Variants in MIS18A observed in about 807,000 individuals in gnomAD.
MIS18A encodes protein Mis18-alpha.
A neutral mutation model predicts 25.0 loss-of-function variants in MIS18A; 14 were observed. The observed-to-expected ratio is 0.56, with a 90% CI of 0.37 to 0.88. MIS18A has a LOEUF of 0.88. MIS18A is among the 40% of genes least tolerant of loss of function. MIS18A has a pLI of 0.00. For synonymous variants in MIS18A, 134 were observed against 118.6 expected (o/e 1.13, Z -0.84); for missense variants, 292 against 290.8 (o/e 1.00, Z -0.03).
the MIS18A span, among the ~76,000 whole-genome samples, chr21:32,230,834 G>C: frequency 6.6e-6 from 1 of 152,160 alleles, no homozygotes; most frequent in African/African-American, 2.4e-5. Context: ...TGGTTTCTTA[G>C]ATATTACATC....
At chr21:32,201,800 C>T in the MIS18A span, among the ~76,000 whole-genome samples, 13 of 151,432 alleles carry the variant, frequency 8.6e-5, no homozygotes, top group East Asian at 1.4e-3. Flanking sequence ...GGTGACAGAG[C>T]GAGACCCTGT....
the MIS18A span, among the ~76,000 whole-genome samples, chr21:32,240,169 A>G: frequency 1.3e-5 from 2 of 152,240 alleles, no homozygotes; most frequent in Admixed American, 6.5e-5. Context: ...CAGAACCAAC[A>G]TCAACCAATT....
the MIS18A span, among the ~76,000 whole-genome samples, chr21:32,183,278 T>G: frequency 1.3e-5 from 2 of 152,294 alleles, no homozygotes; most frequent in South Asian, 4.1e-4. Flanking sequence ...GAGGCAAGCA[T>G]CCATTGAATA....
the MIS18A span, among the ~76,000 whole-genome samples, chr21:32,229,545 G>T: frequency 6.6e-6 from 1 of 152,206 alleles, no homozygotes; most frequent in Non-Finnish European, 1.5e-5. Context: ...GTGTTTCATG[G>T]CATCTCTTTG....
chr21:32,254,359 G>A, the MIS18A span, among the ~76,000 whole-genome samples: 1 of 151,816 alleles, frequency 6.6e-6, no homozygotes, highest in African/African-American at 2.4e-5. Context: ...GGCCAACCCT[G>A]TCTCTAAAAA....
the MIS18A span, among the ~76,000 whole-genome samples, chr21:32,224,079 C>G: frequency 9.2e-5 from 14 of 152,122 alleles, no homozygotes; most frequent in South Asian, 1.2e-3. Context: ...ATTCAACTTC[C>G]CTTCATGCTA....
the MIS18A span, among the ~76,000 whole-genome samples, chr21:32,178,358 G>A: frequency 1.3e-5 from 2 of 152,096 alleles, no homozygotes; most frequent in African/African-American, 4.8e-5. Context: ...TTTTTATATA[G>A]TCATTGTTTT....
chr21:32,213,014 G>C, the MIS18A span, among the ~76,000 whole-genome samples: 1 of 152,132 alleles, frequency 6.6e-6, no homozygotes, highest in African/African-American at 2.4e-5. Flanking sequence ...TTGTAGAAAA[G>C]ACCAGATCAG....
At chr21:32,220,324 C>A in the MIS18A span, among the ~76,000 whole-genome samples, 4 of 152,190 alleles carry the variant, frequency 2.6e-5, no homozygotes, top group Non-Finnish European at 4.4e-5. Flanking sequence ...ACTGGTGATA[C>A]CCTGGCAAAC....
chr21:32,265,538 A>G (rs1044347247), downstream of MIS18A, among the ~76,000 whole-genome samples: 5 of 152,176 alleles, frequency 3.3e-5, no homozygotes, highest in East Asian at 1.9e-4. Flanking sequence ...GCTGTGCTGG[A>G]TTTCTCGCCA....
the MIS18A span, among the ~76,000 whole-genome samples, chr21:32,171,489 T>G: frequency 2.0e-5 from 3 of 152,052 alleles, no homozygotes; most frequent in Non-Finnish European, 4.4e-5. Flanking sequence ...CTGAGAAATG[T>G]CTTTAAGACA....
At chr21:32,259,598 A>G in the MIS18A span, among the ~76,000 whole-genome samples, 1 of 152,146 alleles carries the variant, frequency 6.6e-6, no homozygotes, top group Non-Finnish European at 1.5e-5. Context: ...TTTCTTGATC[A>G]CTGAAAGCAG....
chr21:32,181,728 A>C, the MIS18A span, among the ~76,000 whole-genome samples: 4 of 152,156 alleles, frequency 2.6e-5, no homozygotes, highest in Non-Finnish European at 4.4e-5. Flanking sequence ...AGAAGGGACA[A>C]AGAAACAGGA....
At chr21:32,159,683 C>T in the MIS18A span, among the ~76,000 whole-genome samples, 14 of 152,258 alleles carry the variant, frequency 9.2e-5, no homozygotes, top group African/African-American at 3.4e-4. Context: ...AGGTGTGAGA[C>T]ATCAATCAAA....
chr21:32,214,171 C>G, the MIS18A span, among the ~76,000 whole-genome samples: 2 of 152,132 alleles, frequency 1.3e-5, no homozygotes, highest in African/African-American at 4.8e-5. Context: ...GACCCCACAC[C>G]CCACCTCTCT....
the MIS18A span, among the ~76,000 whole-genome samples, chr21:32,254,358 T>C: frequency 6.6e-6 from 1 of 151,824 alleles, no homozygotes; most frequent in Admixed American, 6.6e-5. Flanking sequence ...TGGCCAACCC[T>C]GTCTCTAAAA....
chr21:32,275,469 A>C (rs1480729236), intron 1 of MIS18A, among the ~76,000 whole-genome samples: 1 of 152,144 alleles, frequency 6.6e-6, no homozygotes, highest in Non-Finnish European at 1.5e-5. Flanking sequence ...CCATTTCTCT[A>C]AAAGTAACTG....
At chr21:32,172,370 G>C in the MIS18A span, among the ~76,000 whole-genome samples, 131 of 152,176 alleles carry the variant, frequency 8.6e-4, 2 homozygotes, top group East Asian at 0.024. Flanking sequence ...ATTCACAATA[G>C]CCAAGATATG....
chr21:32,213,937 GAACA>G, the MIS18A span, among the ~76,000 whole-genome samples: 20 of 152,288 alleles, frequency 1.3e-4, 1 homozygote, highest in East Asian at 3.9e-3. Flanking sequence ...CCGGGATAAT[GAACA>G]GATTCTGGGA....
Sources: gnomAD v4.1 joint callset for allele counts (sites outside exome capture counted in the v4.1 genomes callset) on GRCh38, gnomAD v4.1.1 for gene constraint, MANE v1.5 for transcripts, NCBI Gene and HGNC (gene_info 2026-07-23, HGNC 2026-07-21) for gene names.